The following GNA11 variants were observed in gnomAD, a reference collection of about 807,000 sequenced individuals.
The protein encoded by GNA11 is guanine nucleotide-binding protein subunit alpha-11.
A neutral mutation model predicts 38.2 loss-of-function variants in GNA11; 8 were observed. That is an observed-to-expected ratio of 0.21 (90% CI 0.12 to 0.38). The LOEUF is 0.38. GNA11 is among the 10% of genes least tolerant of loss of function. The pLI is 1.00. For synonymous variants in GNA11, 211 were observed against 221.4 expected (o/e 0.95, Z 0.42); for missense variants, 268 against 516.3 (o/e 0.52, Z 4.66).
Position 3,094,821 on chromosome 19 carries a change from C to CCCTGCCCTGCCTGTG in GNA11, c.136+49_136+63dup. 1.4e-6 allele frequency: 2 copies of CCCTGCCCTGCCTGTG among 1,480,948 alleles called. No individual in the cohort carries two copies. Among genetic ancestry groups the CCCTGCCCTGCCTGTG allele is most frequent in the East Asian group, 2.7e-5 (1 of 36,814 alleles). The allele number at this position is 1,480,948 out of a possible 1,614,324, so 91.7% of individuals were successfully genotyped here. On this transcript the variant is annotated intron_variant, in intron 1 of 6. Transcript: ENST00000078429. This position sits in a 1 kb window ranked among gnomAD's most constrained non-coding sequence, Gnocchi z 6.0. ...GGCCCCCGGGCCTGCCGGCTGCGGGCCCTGCCCTGCCTGTGCCTGCCCTGC... is the reference window on the plus strand; with the variant it reads ...GGCCCCCGGGCCTGCCGGCTGCGGGCCCTGCCCTGCCTGTGCCTGCCCTGCCTGTGCCTGCCCTGC...
At chr19:3,109,085 T>A (rs1002259560) in intron 1 of GNA11, among the ~76,000 whole-genome samples, 4 of 152,162 alleles carry the variant, frequency 2.6e-5, no homozygotes, top group Non-Finnish European at 4.4e-5. Context: ...GGTCACTAAG[T>A]GTAGCCCATG....
intron 3 of GNA11, among the ~76,000 whole-genome samples, 197 bp downstream of exon 3, chr19:3,113,681 C>A (rs1599304082): frequency 6.6e-6 from 1 of 152,200 alleles, no homozygotes; most frequent in Non-Finnish European, 1.5e-5. Flanking sequence ...TGGCAGGAGC[C>A]GGTGGACTCT....
rs930725037 is a variant in GNA11, at chr19:3,094,962, C to T, written c.136+175C>T. ...TCCCTGCCTGTCCGGGTCGCGGGAC[C>T]CTCGAGTGTCAGCCCTGCCTGTGCC... On this transcript the variant is annotated intron_variant, in intron 1 of 6. Transcript: ENST00000078429. This position sits in a 1 kb window ranked among gnomAD's most constrained non-coding sequence, Gnocchi z 6.0. 5.4e-5 allele frequency among the ~76,000 whole-genome samples: 8 copies of T among 148,042 alleles called. No homozygotes were observed. The highest frequency in any genetic ancestry group is 1.0e-4 in the Non-Finnish European group (7 of 66,736).
chr19:3,112,567 G>T (rs762509538), intron 2 of GNA11, among the ~76,000 whole-genome samples: 1 of 152,368 alleles, frequency 6.6e-6, no homozygotes, highest in South Asian at 2.1e-4. Context: ...GCCCCAAAGG[G>T]TGTTCACATG....
At chr19:3,097,928 G>A (rs1043879132) in intron 1 of GNA11, among the ~76,000 whole-genome samples, 1 of 152,034 alleles carries the variant, frequency 6.6e-6, no homozygotes, top group East Asian at 1.9e-4. Context: ...AACCACAGAT[G>A]TCTCTAGACA....
intron 1 of GNA11, among the ~76,000 whole-genome samples, chr19:3,100,120 C>CCTGGGAT (rs59712844): frequency 1.3e-3 from 201 of 152,124 alleles, no homozygotes; most frequent in African/African-American, 4.4e-3. Flanking sequence ...GGGATCCTGC[C>CCTGGGAT]CTGGGATCTG....
In GNA11 at chr19:3,121,291, G is replaced by T; in HGVS notation, c.*112G>T. The T allele has an allele frequency of 1.4e-6, 1 of 696,646 alleles. No homozygotes were observed. The highest frequency in any genetic ancestry group is 2.4e-6 in the Non-Finnish European group (1 of 414,260). The allele number at this position is 696,646 out of a possible 1,614,324, so 43.2% of individuals were successfully genotyped here. ...CGAGTCCGGGCCGGGGCCTCTGCCC[G>T]CGGGAGGAGATTTTTTTTTTTCATA... On this transcript the variant is annotated 3_prime_UTR_variant, in exon 7 of 7. Coordinates refer to ENST00000078429, the MANE Select transcript of GNA11 (RefSeq NM_002067.5).
At chr19:3,100,319 G>T (rs1316795726) in intron 1 of GNA11, among the ~76,000 whole-genome samples, 1 of 152,212 alleles carries the variant, frequency 6.6e-6, no homozygotes, top group Admixed American at 6.5e-5. Flanking sequence ...GAAGTCCCCA[G>T]ACATCGCCTA....
At chr19:3,118,692 C>T in intron 4 of GNA11, 1 of 509,224 alleles carries the variant, frequency 2.0e-6, no homozygotes, top group Non-Finnish European at 3.5e-6. Context: ...TCCCTGGGCC[C>T]AGTGGTCTCA....
chr19:3,115,037 C>T lies in GNA11; in HGVS notation c.570C>T (p.Ile190=), dbSNP rs201668624. The part of the protein sequence containing the change: ...LRVRVPTTGI[I]EYPFDLENII... ...TCCGCGTGCCCACCACCGGCATCAT[C>T]GAGTACCCTTTCGACCTGGAGAACA... The change falls in exon 4 of 7, where the codon ATC becomes ATT. Residue 190 remains isoleucine (I), a synonymous_variant. Transcript: ENST00000078429. 3.1e-5 allele frequency: 50 copies of T among 1,613,396 alleles called. No homozygotes were observed. The African/African-American group carries it at 5.2e-4, about 17-fold the overall frequency.
intron 1 of GNA11, among the ~76,000 whole-genome samples, chr19:3,098,135 G>A (rs1038628616): frequency 5.9e-5 from 9 of 152,254 alleles, no homozygotes; most frequent in African/African-American, 2.2e-4. Context: ...ACTACTCAGT[G>A]TATGCATGAA....
chr19:3,111,499 C>T (rs139234594), intron 2 of GNA11, among the ~76,000 whole-genome samples: 3 of 152,326 alleles, frequency 2.0e-5, no homozygotes, highest in Non-Finnish European at 2.9e-5. Context: ...GTCAGAGCCT[C>T]GTCCCTGTTC....
At chr19:3,100,469 C>T (rs1235275519) in intron 1 of GNA11, among the ~76,000 whole-genome samples, 3 of 152,170 alleles carry the variant, frequency 2.0e-5, no homozygotes, top group African/African-American at 4.8e-5. Flanking sequence ...AGATGCTTGG[C>T]GAGTGACCGT....
chr19:3,108,585 G>A lies in GNA11; in HGVS notation c.137-1564G>A, dbSNP rs77267926. 0.018 allele frequency among the ~76,000 whole-genome samples: 2,756 copies of A among 152,230 alleles called. 78 individuals are homozygous for A. The highest frequency in any genetic ancestry group is 0.052 in the African/African-American group (2,174 of 41,506). The stretch of plus-strand genomic sequence containing the variant: ...GTGACGCTTGAGTCTCTAGGGCACC[G>A]GGGGCCTGAGCAAGGTTAATACCTG... On this transcript the variant is annotated intron_variant, in intron 1 of 6. Transcript: ENST00000078429. This position sits in a 1 kb window ranked among gnomAD's most constrained non-coding sequence, Gnocchi z 4.5.
intron 1 of GNA11, among the ~76,000 whole-genome samples, chr19:3,105,960 A>G (rs1167799121): frequency 6.6e-6 from 1 of 151,906 alleles, no homozygotes; most frequent in African/African-American, 2.4e-5. Flanking sequence ...GTGAGGCGGC[A>G]TCTCGGAGGG....
At chr19:3,104,631 T>C (rs308052) in intron 1 of GNA11, among the ~76,000 whole-genome samples, 133,551 of 152,128 alleles carry the variant, frequency 0.88, 58,743 homozygotes, top group African/African-American at 0.92. Context: ...GATCCAGCAC[T>C]GTGGACCAGG....
At chr19:3,106,079 G>A (rs755977654) in intron 1 of GNA11, among the ~76,000 whole-genome samples, 74 of 152,352 alleles carry the variant, frequency 4.9e-4, no homozygotes, top group Non-Finnish European at 1.0e-3. Flanking sequence ...TTCAGGTGGA[G>A]TGTGGCTGCA....
rs11670197 is a variant in GNA11, at chr19:3,120,345, G to C, written c.890-644G>C. On this transcript the variant is annotated intron_variant, in intron 6 of 6. Transcript: ENST00000078429. The surrounding 1 kb of genome is among the most constrained non-coding windows in gnomAD (Gnocchi z 5.9). ...TCCTGTGGGCTCAGAGAGCCCTGGTGGGGGGAGGCCAAGGGACTGGGGCAT... is the reference window on the plus strand; with the variant it reads ...TCCTGTGGGCTCAGAGAGCCCTGGTCGGGGGAGGCCAAGGGACTGGGGCAT... Among the ~76,000 whole-genome samples the C allele has an allele frequency of 0.18, 27,928 of 151,966 alleles. 2,765 individuals are homozygous for C. The highest frequency in any genetic ancestry group is 0.28 in the South Asian group (1,336 of 4,826).
At chr19:3,099,858 G>A (rs915025786) in intron 1 of GNA11, among the ~76,000 whole-genome samples, 43 of 152,172 alleles carry the variant, frequency 2.8e-4, no homozygotes, top group African/African-American at 9.7e-4. Context: ...GTCCGGATCA[G>A]GTACGTGGCC....
Sources: allele counts gnomAD v4.1 joint callset (sites outside exome capture counted in the v4.1 genomes callset), GRCh38; gene constraint gnomAD v4.1.1; non-coding constraint Gnocchi (gnomAD v3.1); transcripts MANE v1.5; gene names NCBI Gene and HGNC (gene_info 2026-07-23, HGNC 2026-07-21).